Variants in CCNG1 observed in about 807,000 individuals in gnomAD.
The protein encoded by CCNG1 is cyclin G1.
In CCNG1, 13 loss-of-function variants were observed where a neutral mutation model predicts 30.0. The observed-to-expected ratio is 0.43, with a 90% CI of 0.28 to 0.69. The LOEUF (loss-of-function observed/expected upper bound fraction) is 0.69, where lower values mean the gene tolerates loss of function less well. Among genes scored for constraint, CCNG1 ranks in the 30% least tolerant of loss-of-function variants. The pLI, the probability that CCNG1 is intolerant of heterozygous loss-of-function variation, is 0.16. For synonymous variants in CCNG1, 110 were observed against 121.5 expected (o/e 0.91, Z 0.62); for missense variants, 285 against 331.4 (o/e 0.86, Z 1.09).
chr5:163,455,515 G>C, the CCNG1 span, among the ~76,000 whole-genome samples: 1 of 152,192 alleles, frequency 6.6e-6, no homozygotes, highest in Non-Finnish European at 1.5e-5. Flanking sequence ...TGTAATCCCG[G>C]CACTTTGGGA....
At chr5:163,439,627 T>A in intron 2 of CCNG1, 107 bp downstream of exon 2, 1 of 882,910 alleles carries the variant, frequency 1.1e-6, no homozygotes, top group Non-Finnish European at 1.7e-6. Flanking sequence ...TTTCAGCACG[T>A]AGCCAAAACA....
the CCNG1 span, among the ~76,000 whole-genome samples, chr5:163,456,141 G>A: frequency 6.6e-6 from 1 of 152,082 alleles, no homozygotes; most frequent in Non-Finnish European, 1.5e-5. Flanking sequence ...ATAGGCAACC[G>A]GGTATGCAGG....
chr5:163,454,800 G>A, the CCNG1 span, among the ~76,000 whole-genome samples: 1 of 152,132 alleles, frequency 6.6e-6, no homozygotes, highest in Admixed American at 6.5e-5. Context: ...CATTTGTTGA[G>A]CTCCTACTGT....
At position 163,441,928 on chromosome 5, in the gene CCNG1, G is replaced by A. The variant is rs1288361861; in HGVS notation, c.561G>A (p.Lys187=). 6.2e-7 allele frequency: 1 copy of A among 1,609,822 alleles called. No individual in the cohort carries two copies. The highest frequency in any genetic ancestry group is 8.5e-7 in the Non-Finnish European group (1 of 1,176,538). ...TTGAAAGACTAGAAGCTCAACTGAA[G>A]GCATGTCATTGCAGGATCATATTTT... The part of the protein sequence containing the change: ...INFERLEAQL[K]ACHCRIIFSK... Residue 187 remains lysine (K), a synonymous_variant, in exon 4 of 7, where the codon AAG becomes AAA. Coordinates refer to ENST00000340828, the MANE Select transcript of CCNG1 (RefSeq NM_004060.4).
At chr5:163,443,311 C>CAAAAAAAAAA (rs35396845) in intron 6 of CCNG1, among the ~76,000 whole-genome samples, 1 of 90,224 alleles carries the variant, frequency 1.1e-5, no homozygotes, top group African/African-American at 3.9e-5. Flanking sequence ...GACTCCGCCA[C>CAAAAAAAAAA]AAAAAAAAAA....
chr5:163,438,450 G>GT (rs1475633117), intron 1 of CCNG1, among the ~76,000 whole-genome samples: 2 of 152,108 alleles, frequency 1.3e-5, no homozygotes, highest in South Asian at 2.1e-4. Flanking sequence ...ATTGTTCAGT[G>GT]TTTTTTAAGC....
chr5:163,441,508 C>T (rs1757816259), intron 3 of CCNG1, 177 bp downstream of exon 3: 3 of 558,092 alleles, frequency 5.4e-6, no homozygotes, highest in Admixed American at 3.7e-5. Context: ...TCAATAGCTT[C>T]GTTAAAGCTA....
At chr5:163,457,091 A>AACACAC in the CCNG1 span, 1 of 1,491,428 alleles carries the variant, frequency 6.7e-7, no homozygotes, top group Non-Finnish European at 9.1e-7. Context: ...CTAAAAAAAA[A>AACACAC]ACACACACAC....
Position 163,444,299 on chromosome 5 carries a change from GCATATT to G in CCNG1, c.*633_*638del, listed in dbSNP as rs1282380664. 1 of 152,536 alleles carries G rather than the reference GCATATT, an allele frequency of 6.6e-6. No individual in the cohort carries two copies. Among genetic ancestry groups the G allele is most frequent in the Non-Finnish European group, 1.5e-5 (1 of 68,020 alleles). 9.4% of individuals were successfully genotyped at this position (152,536 alleles called of 1,614,324 possible). On this transcript the variant is annotated 3_prime_UTR_variant, in exon 7 of 7. Transcript: ENST00000340828. ...GAAAAATACAGACCTATAAAGTTTG[GCATATT>G]CATTAAGTTATCTTTTAATATTTTT... is the stretch of plus-strand genomic sequence containing the variant.
At chr5:163,453,940 A>C in the CCNG1 span, 1 of 1,323,716 alleles carries the variant, frequency 7.6e-7, no homozygotes, top group Non-Finnish European at 1.0e-6. Flanking sequence ...ATCTGCTAGG[A>C]TCCACAGAAT....
chr5:163,445,971 G>A (rs1758028878), downstream of CCNG1: 2 of 152,112 alleles, frequency 1.3e-5, no homozygotes, highest in African/African-American at 4.8e-5. Context: ...CAGCGTGGTT[G>A]CTAATGCCAG....
Position 163,443,949 on chromosome 5 carries a change from A to G in CCNG1, c.*279A>G, listed in dbSNP as rs1194640585. On this transcript the variant is annotated 3_prime_UTR_variant, in exon 7 of 7. Transcript: ENST00000340828. Reference sequence around the variant, plus strand: ...AGGTAAACTGTGAATCTTCATTTCTATCATTGATCTAACTTTAGATATTGG... The same window carrying G: ...AGGTAAACTGTGAATCTTCATTTCTGTCATTGATCTAACTTTAGATATTGG... 4.3e-6 allele frequency: 2 copies of G among 461,334 alleles called. No individual in the cohort carries two copies. The highest frequency in any genetic ancestry group is 7.7e-6 in the Non-Finnish European group (2 of 260,998). 28.6% of individuals were successfully genotyped at this position (461,334 alleles called of 1,614,324 possible). A position where few individuals can be genotyped will look rare whatever the true frequency, so the allele number is the denominator to read the frequency against.
intron 6 of CCNG1, among the ~76,000 whole-genome samples, chr5:163,443,311 CAA>C (rs35396845): frequency 3.0e-4 from 27 of 90,186 alleles, no homozygotes; most frequent in South Asian, 7.6e-4. Context: ...GACTCCGCCA[CAA>C]AAAAAAAAAA....
the CCNG1 span, among the ~76,000 whole-genome samples, chr5:163,454,847 G>GA: frequency 4.4e-3 from 658 of 150,658 alleles, 5 homozygotes; most frequent in African/African-American, 0.015. Flanking sequence ...ATTCAAGAGT[G>GA]AAAAAAAACA....
rs992278729 is a variant in CCNG1, at chr5:163,444,027, C to G, written c.*357C>G. Reference sequence around the variant, plus strand: ...TGCTATTGGAGGAGTCACACTAATACTATCAACTATCAGTCTTCCCACAGC... The same window carrying G: ...TGCTATTGGAGGAGTCACACTAATAGTATCAACTATCAGTCTTCCCACAGC... On this transcript the variant is annotated 3_prime_UTR_variant, in exon 7 of 7. Transcript: ENST00000340828. 1 of 247,944 alleles carries G rather than the reference C, an allele frequency of 4.0e-6. No homozygotes were observed. The highest frequency in any genetic ancestry group is 5.3e-5 in the Admixed American group (1 of 18,760). 15.4% of individuals were successfully genotyped at this position (247,944 alleles called of 1,614,324 possible).
At chr5:163,445,728 G>GGGCTT (rs1758024661), downstream of CCNG1, among the ~76,000 whole-genome samples, 1 of 147,026 alleles carries the variant, frequency 6.8e-6, no homozygotes, top group African/African-American at 2.5e-5. Flanking sequence ...AAAGTGCTGA[G>GGGCTT]ATTACAGGCA....
Position 163,443,818 on chromosome 5 carries a change from C to A in CCNG1, c.*148C>A. 1.3e-6 allele frequency: 1 copy of A among 789,432 alleles called. No homozygotes were observed. 48.9% of individuals were successfully genotyped at this position (789,432 alleles called of 1,614,324 possible). On this transcript the variant is annotated 3_prime_UTR_variant, in exon 7 of 7. Coordinates refer to ENST00000340828, the MANE Select transcript of CCNG1 (RefSeq NM_004060.4). ...ATGGTCTCAGACTTGGGAAAACTGC[C>A]TAATATTATGCTGTAGTGGAATTAT...
In CCNG1 at chr5:163,442,492, G is replaced by A. The variant is rs187596336; in HGVS notation, c.815G>A (p.Arg272His). 113 of 1,613,864 alleles carry A rather than the reference G, an allele frequency of 7.0e-5. No homozygotes were observed. In the Admixed American group the frequency reaches 1.2e-3, roughly 18 times the overall value. Reference protein sequence around the residue: ...VQKLKWIVSGRTARQLKHSYY... With the variant: ...VQKLKWIVSGHTARQLKHSYY... ...AAGTTGAAATGGATTGTTTCTGGGCGTACTGCACGGCAATTGAAGCATAGC... is the reference window on the plus strand; with the variant it reads ...AAGTTGAAATGGATTGTTTCTGGGCATACTGCACGGCAATTGAAGCATAGC... Residue 272 changes from arginine to histidine, a missense_variant, in exon 6 of 7, where the codon CGT (arginine) becomes CAT (histidine). Coordinates refer to ENST00000340828, the MANE Select transcript of CCNG1 (RefSeq NM_004060.4).
the CCNG1 span, chr5:163,457,110 A>G: frequency 1.3e-6 from 2 of 1,553,602 alleles, no homozygotes; most frequent in South Asian, 1.2e-5. Flanking sequence ...ACACACACGC[A>G]CAAATAAATT....
Sources: gnomAD v4.1 joint callset for allele counts (sites outside exome capture counted in the v4.1 genomes callset) on GRCh38, gnomAD v4.1.1 for gene constraint, MANE v1.5 for transcripts, NCBI Gene and HGNC (gene_info 2026-07-23, HGNC 2026-07-21) for gene names.